The following GPHN variants were observed in gnomAD, a reference collection of about 807,000 sequenced individuals.
GPHN encodes the protein gephyrin.
In GPHN, 17 loss-of-function variants were observed where a neutral mutation model predicts 95.5. The observed-to-expected ratio is 0.18, with a 90% confidence interval of 0.12 to 0.27. The LOEUF is 0.27. Among genes scored for constraint, GPHN ranks in the 10% least tolerant of loss-of-function variants. GPHN has a pLI of 1.00. For missense variants in GPHN, 660 were observed against 978.1 expected (o/e 0.67, Z 4.34); for synonymous variants, 320 against 322.5 (o/e 0.99, Z 0.08).
intron 9 of GPHN, among the ~76,000 whole-genome samples, chr14:66,983,771 TG>T (rs1386564455): frequency 6.6e-6 from 1 of 152,194 alleles, no homozygotes; most frequent in Non-Finnish European, 1.5e-5. Flanking sequence ...CATTTGGAAC[TG>T]AAATGGTACA....
the GPHN span, chr14:67,578,405 C>G: frequency 2.5e-6 from 2 of 810,864 alleles, no homozygotes; most frequent in Admixed American, 4.1e-5. This position sits in a 1 kb window ranked among gnomAD's most constrained non-coding sequence, Gnocchi z 5.0. Flanking sequence ...GTTGGCCATC[C>G]CAGCACCCAG....
At chr14:67,661,257 C>G in the GPHN span, among the ~76,000 whole-genome samples, 1 of 104,448 alleles carries the variant, frequency 9.6e-6, no homozygotes, top group African/African-American at 3.6e-5. Flanking sequence ...TCAAAGGACT[C>G]TTGCTTCTAT....
In GPHN at chr14:67,179,653, C is replaced by G; in HGVS notation, c.2155C>G (p.Leu719Val). The stretch of plus-strand genomic sequence containing the variant: ...ACTAACTTGGCATCACCAAGAACCA[C>G]TACCTTGGGCACAGAGTACAGGTTA... ...CILTWHHQEP[L>V]PWAQSTGNQM... is the part of the protein sequence containing the mutation. The change falls in exon 22 of 23, where the codon CTA becomes GTA. Residue 719 changes from leucine to valine, a missense_variant. By Grantham distance (32) the Leu-to-Val change is conservative. Transcript: ENST00000478722. The G allele has an allele frequency of 6.3e-7, 1 of 1,595,608 alleles. No homozygotes were observed. The highest frequency in any genetic ancestry group is 8.6e-7 in the Non-Finnish European group (1 of 1,163,168).
intron 9 of GPHN, among the ~76,000 whole-genome samples, chr14:67,005,169 C>A (rs964429489): frequency 6.6e-5 from 10 of 151,066 alleles, no homozygotes; most frequent in Admixed American, 6.6e-4. Flanking sequence ...ATAGTGATAG[C>A]ATTTCCTGTG....
chr14:66,863,456 A>G (rs1280774131), intron 4 of GPHN, among the ~76,000 whole-genome samples: 1 of 152,146 alleles, frequency 6.6e-6, no homozygotes, highest in Non-Finnish European at 1.5e-5. Flanking sequence ...CTTCACAGAA[A>G]GAGAAAAAAA....
chr14:67,028,127 A>T (rs542299153), intron 10 of GPHN, among the ~76,000 whole-genome samples: 1 of 152,126 alleles, frequency 6.6e-6, no homozygotes, highest in Non-Finnish European at 1.5e-5. Flanking sequence ...AACTTGCAAC[A>T]TCTGTCATTC....
At chr14:67,435,258 C>T in the GPHN span, among the ~76,000 whole-genome samples, 22 of 152,174 alleles carry the variant, frequency 1.4e-4, no homozygotes, top group African/African-American at 5.1e-4. Flanking sequence ...TGAGCCATCA[C>T]GCCCAGCCTT....
intron 1 of GPHN, among the ~76,000 whole-genome samples, chr14:66,545,147 A>G (rs2059497691): frequency 6.6e-6 from 1 of 151,432 alleles, no homozygotes; most frequent in Admixed American, 6.6e-5. Context: ...ACTTCCCAGT[A>G]GGGGCGGCCG....
At chr14:66,667,379 C>T (rs1430567553) in intron 1 of GPHN, among the ~76,000 whole-genome samples, 1 of 152,170 alleles carries the variant, frequency 6.6e-6, no homozygotes, top group East Asian at 1.9e-4. Context: ...AAGCTGGAGG[C>T]ATCACACTAC....
intron 8 of GPHN, among the ~76,000 whole-genome samples, chr14:66,939,770 T>C (rs1567127592): frequency 6.6e-6 from 1 of 152,200 alleles, no homozygotes; most frequent in East Asian, 1.9e-4. Flanking sequence ...CTTAACTGCT[T>C]CCTGCTGGTA....
intron 8 of GPHN, among the ~76,000 whole-genome samples, chr14:66,925,210 G>T (rs753236649): frequency 1.3e-5 from 2 of 152,080 alleles, no homozygotes; most frequent in Middle Eastern, 3.2e-3. Context: ...CATACAATGG[G>T]TAATAATCAC....
the GPHN span, chr14:67,350,749 T>C: frequency 2.7e-6 from 4 of 1,465,180 alleles, no homozygotes; most frequent in Non-Finnish European, 2.9e-6. Context: ...AAATATTCCA[T>C]CATAATTATG....
chr14:66,973,620 G>A (rs772916437), intron 9 of GPHN, among the ~76,000 whole-genome samples: 11 of 152,200 alleles, frequency 7.2e-5, no homozygotes, highest in South Asian at 2.1e-4. Context: ...TTAGCTGGGC[G>A]TGGTGGTGGG....
the GPHN span, among the ~76,000 whole-genome samples, chr14:67,584,497 C>A: frequency 6.6e-6 from 1 of 152,204 alleles, no homozygotes; most frequent in Non-Finnish European, 1.5e-5. Flanking sequence ...AATCAAATTA[C>A]TTAGCCAACA....
chr14:66,621,582 G>A (rs1402492886), intron 1 of GPHN, among the ~76,000 whole-genome samples: 2 of 148,944 alleles, frequency 1.3e-5, no homozygotes. Flanking sequence ...CCGCCACCAT[G>A]CCCAGCTAAT....
the GPHN span, among the ~76,000 whole-genome samples, chr14:67,431,108 G>A: frequency 1.3e-5 from 2 of 152,094 alleles, no homozygotes; most frequent in African/African-American, 4.8e-5. Context: ...AAAGGGTTCA[G>A]CATAGGCTGG....
At chr14:66,672,272 AG>A (rs1397110335) in intron 1 of GPHN, among the ~76,000 whole-genome samples, 4 of 152,052 alleles carry the variant, frequency 2.6e-5, no homozygotes, top group Non-Finnish European at 4.4e-5. Context: ...ATTGATTTCT[AG>A]TTTAATTCCG....
chr14:66,632,400 T>A (rs567198012), intron 1 of GPHN, among the ~76,000 whole-genome samples: 1 of 152,168 alleles, frequency 6.6e-6, no homozygotes, highest in African/African-American at 2.4e-5. Flanking sequence ...AGCTGAAATA[T>A]TGATCCAGGC....
chr14:67,725,922 A>G, the GPHN span: 1 of 755,852 alleles, frequency 1.3e-6, no homozygotes, highest in South Asian at 1.4e-5. Flanking sequence ...AGAGCAAGTG[A>G]CTCCTATCAA....
Sources: allele counts gnomAD v4.1 joint callset (sites outside exome capture counted in the v4.1 genomes callset), GRCh38; gene constraint gnomAD v4.1.1; non-coding constraint Gnocchi (gnomAD v3.1); transcripts MANE v1.5; gene names NCBI Gene and HGNC (gene_info 2026-07-23, HGNC 2026-07-21).